The following RALGPS1 variants were observed in gnomAD, a reference collection of about 807,000 sequenced individuals.
RALGPS1 encodes ras-specific guanine nucleotide-releasing factor RalGPS1.
In RALGPS1, 19 loss-of-function variants were observed where a neutral mutation model predicts 78.8. That is an observed-to-expected ratio of 0.24 (90% CI 0.17 to 0.35). RALGPS1 has a LOEUF of 0.35. Ranked by LOEUF, RALGPS1 falls within the 10% of genes least tolerant of loss-of-function variation. The probability of loss-of-function intolerance (pLI) is 1.00; values close to 1 mark genes in which losing one functional copy is unlikely to be tolerated. For missense variants in RALGPS1, 454 were observed against 688.3 expected (o/e 0.66, Z 3.81); for synonymous variants, 228 against 256.3 (o/e 0.89, Z 1.06).
intron 13 of RALGPS1, among the ~76,000 whole-genome samples, chr9:127,198,191 A>G (rs549584161): frequency 5.8e-4 from 89 of 152,288 alleles, no homozygotes; most frequent in Middle Eastern, 3.4e-3. Flanking sequence ...CCATTTGTGC[A>G]TGTGCCCTGT....
intron 8 of RALGPS1, among the ~76,000 whole-genome samples, chr9:127,148,964 C>T (rs2058261324): frequency 1.3e-5 from 2 of 152,214 alleles, no homozygotes; most frequent in Admixed American, 1.3e-4. Flanking sequence ...TTATCACCAT[C>T]ACCCTAACCT....
intron 8 of RALGPS1, among the ~76,000 whole-genome samples, chr9:127,147,779 G>T (rs2058179767): frequency 6.6e-6 from 1 of 152,194 alleles, no homozygotes; most frequent in Non-Finnish European, 1.5e-5. Context: ...CACTTAGCAC[G>T]ATGCTGGGCA....
chr9:127,176,108 A>G (rs2059857489), intron 11 of RALGPS1, among the ~76,000 whole-genome samples: 1 of 151,996 alleles, frequency 6.6e-6, no homozygotes, highest in South Asian at 2.1e-4. Flanking sequence ...GATATCTTAG[A>G]GAGACATGCT....
At chr9:127,124,071 C>T (rs1326937544) in intron 8 of RALGPS1, among the ~76,000 whole-genome samples, 1 of 152,212 alleles carries the variant, frequency 6.6e-6, no homozygotes, top group African/African-American at 2.4e-5. Context: ...ATTCCTCTTT[C>T]AGAGATGGCC....
chr9:127,128,624 T>C (rs1433207752), intron 8 of RALGPS1, among the ~76,000 whole-genome samples: 1 of 152,106 alleles, frequency 6.6e-6, no homozygotes, highest in East Asian at 1.9e-4. Context: ...CCTCCATCAG[T>C]CCAGATTTAA....
intron 2 of RALGPS1, among the ~76,000 whole-genome samples, chr9:126,965,321 C>A (rs2039368496): frequency 6.6e-6 from 1 of 152,178 alleles, no homozygotes; most frequent in African/African-American, 2.4e-5. Context: ...GTAACAATTT[C>A]CTGCAGTGAC....
chr9:127,045,279 A>G (rs1311215186), intron 5 of RALGPS1, among the ~76,000 whole-genome samples: 1 of 152,242 alleles, frequency 6.6e-6, no homozygotes, highest in Non-Finnish European at 1.5e-5. Flanking sequence ...GCAGAATGTA[A>G]TAAAAGAATC....
chr9:127,160,178 C>A (rs2058940536), intron 8 of RALGPS1, among the ~76,000 whole-genome samples: 1 of 152,150 alleles, frequency 6.6e-6, no homozygotes, highest in African/African-American at 2.4e-5. Context: ...TGCAAGCGCC[C>A]AGCTTCAAGC....
At chr9:127,214,617 C>T in intron 17 of RALGPS1, 134 bp from the exon 18 acceptor site, 2 of 1,386,454 alleles carry the variant, frequency 1.4e-6, no homozygotes, top group Non-Finnish European at 1.9e-6. Context: ...AGGCTGCTTT[C>T]TCTGCATGTT....
At chr9:127,165,240 G>T (rs1420058561) in intron 8 of RALGPS1, among the ~76,000 whole-genome samples, 2 of 152,260 alleles carry the variant, frequency 1.3e-5, no homozygotes, top group Non-Finnish European at 2.9e-5. Context: ...CTGAAAGGAC[G>T]TTCCATCCTT....
intron 8 of RALGPS1, among the ~76,000 whole-genome samples, chr9:127,144,548 AT>A (rs1194102311): frequency 1.3e-5 from 2 of 152,260 alleles, no homozygotes; most frequent in Non-Finnish European, 2.9e-5. Flanking sequence ...AAACTTGTAC[AT>A]GAATGTTCAT....
chr9:127,001,823 G>T (rs909018286), intron 4 of RALGPS1, among the ~76,000 whole-genome samples: 2 of 152,196 alleles, frequency 1.3e-5, no homozygotes, highest in African/African-American at 2.4e-5. Flanking sequence ...GGCGGAGGTT[G>T]CAGTGAGCCG....
At chr9:126,956,555 C>T (rs547450371) in intron 1 of RALGPS1, among the ~76,000 whole-genome samples, 23 of 152,216 alleles carry the variant, frequency 1.5e-4, no homozygotes, top group Admixed American at 1.2e-3. Flanking sequence ...TAACACACTA[C>T]GGCTGCCATG....
At chr9:127,108,772 TA>T in intron 8 of RALGPS1, 1 of 1,553,188 alleles carries the variant, frequency 6.4e-7, no homozygotes, top group South Asian at 1.2e-5. Context: ...GAATAGAATC[TA>T]TGAAAGCCTG....
intron 1 of RALGPS1, among the ~76,000 whole-genome samples, chr9:126,944,208 G>A (rs558580021): frequency 6.6e-6 from 1 of 152,226 alleles, no homozygotes; most frequent in African/African-American, 2.4e-5. Flanking sequence ...TCAAGCAGAG[G>A]CCCTAGTTCA....
intron 4 of RALGPS1, among the ~76,000 whole-genome samples, chr9:126,978,577 C>A (rs1277339433): frequency 6.6e-6 from 1 of 150,492 alleles, no homozygotes; most frequent in East Asian, 1.9e-4. Context: ...CCATTACACT[C>A]CAGCCTGGAC....
At chr9:127,187,370 T>C (rs1163447634) in intron 11 of RALGPS1, among the ~76,000 whole-genome samples, 1 of 152,146 alleles carries the variant, frequency 6.6e-6, no homozygotes. Flanking sequence ...ACAGCTAGCC[T>C]TCCTCCCCAG....
intron 8 of RALGPS1, among the ~76,000 whole-genome samples, chr9:127,144,703 A>G (rs112095312): frequency 0.01 from 1,572 of 152,336 alleles, 40 homozygotes; most frequent in African/African-American, 0.036. Context: ...ATGCTACAAC[A>G]CTGATGAACC....
intron 1 of RALGPS1, among the ~76,000 whole-genome samples, chr9:126,951,990 G>A: frequency 6.6e-6 from 1 of 152,178 alleles, no homozygotes; most frequent in Non-Finnish European, 1.5e-5. Context: ...TACAAAATCT[G>A]TGTACAAAAA....
Sources: allele counts gnomAD v4.1 joint callset (sites outside exome capture counted in the v4.1 genomes callset), GRCh38; gene constraint gnomAD v4.1.1; transcripts MANE v1.5; gene names NCBI Gene and HGNC (gene_info 2026-07-23, HGNC 2026-07-21).